Variants in THSD4 observed in about 807,000 individuals in gnomAD.
THSD4 encodes the protein thrombospondin type 1 domain containing 4.
In THSD4, 69 loss-of-function variants were observed where a neutral mutation model predicts 119.0. The observed-to-expected ratio is 0.58, with a 90% CI of 0.48 to 0.71. The LOEUF (loss-of-function observed/expected upper bound fraction) is 0.71. THSD4 is among the 30% of genes least tolerant of loss of function. THSD4 has a pLI of 0.00. For synonymous variants in THSD4, 524 were observed against 540.4 expected (o/e 0.97, Z 0.42); for missense variants, 1,393 against 1,391.1 (o/e 1.00, Z -0.02).
At chr15:71,200,662 T>C (rs754716994) in intron 3 of THSD4, among the ~76,000 whole-genome samples, 27 of 152,186 alleles carry the variant, frequency 1.8e-4, no homozygotes, top group Non-Finnish European at 3.2e-4. Flanking sequence ...ATAGTTTTTT[T>C]CTCTATGGAT....
chr15:71,120,923 G>A (rs1478011971), intron 1 of THSD4, among the ~76,000 whole-genome samples: 2 of 152,232 alleles, frequency 1.3e-5, no homozygotes, highest in Non-Finnish European at 2.9e-5. Context: ...ACAGGGGTGG[G>A]AGGATGACGA....
At chr15:71,611,483 A>G (rs984960378) in intron 7 of THSD4, among the ~76,000 whole-genome samples, 1 of 152,224 alleles carries the variant, frequency 6.6e-6, no homozygotes, top group Admixed American at 6.5e-5. Context: ...GCCCATTCAC[A>G]GTGAAAACGC....
At chr15:71,600,804 T>G (rs910402884) in intron 7 of THSD4, among the ~76,000 whole-genome samples, 2 of 151,628 alleles carry the variant, frequency 1.3e-5, no homozygotes, top group Non-Finnish European at 2.9e-5. Flanking sequence ...TGGAGTGCTG[T>G]GGCGCAATCT....
At chr15:71,374,825 G>T (rs1054594666) in intron 6 of THSD4, among the ~76,000 whole-genome samples, 1 of 152,224 alleles carries the variant, frequency 6.6e-6, no homozygotes, top group Non-Finnish European at 1.5e-5. Context: ...ACTATTCACA[G>T]ATGGTGGCTT....
At chr15:71,654,417 T>G (rs560982503) in intron 7 of THSD4, among the ~76,000 whole-genome samples, 16 of 152,348 alleles carry the variant, frequency 1.1e-4, no homozygotes, top group Non-Finnish European at 1.6e-4. Flanking sequence ...TGTTTCCTTA[T>G]GTTGAACATT....
intron 6 of THSD4, among the ~76,000 whole-genome samples, chr15:71,307,185 C>A (rs977287767): frequency 6.6e-6 from 1 of 152,194 alleles, no homozygotes; most frequent in Non-Finnish European, 1.5e-5. Flanking sequence ...TGGCTGAACA[C>A]CTCCTCACTA....
In THSD4 at chr15:71,242,840, C is replaced by T. The variant is rs374359586; in HGVS notation, c.656C>T (p.Pro219Leu). ...HGYSSPAHQVPQHGPLYQSDS... is the reference protein window; with the variant it reads ...HGYSSPAHQVLQHGPLYQSDS... ...TACAGTTCACCAGCCCACCAGGTCC[C>T]CCAACATGGGCCTTTGTACCAAAGT... The change falls in exon 5 of 18, where the codon CCC becomes CTC. Residue 219 changes from proline to leucine, a missense_variant. By Grantham distance (98) the Pro-to-Leu change is moderately conservative. Transcript: ENST00000261862. The T allele has an allele frequency of 1.1e-5, 18 of 1,614,246 alleles. No homozygotes were observed. In the African/African-American group the frequency reaches 2.0e-4, roughly 18 times the overall value.
At chr15:71,694,066 G>A (rs2052111874) in intron 8 of THSD4, among the ~76,000 whole-genome samples, 1 of 152,122 alleles carries the variant, frequency 6.6e-6, no homozygotes, top group Non-Finnish European at 1.5e-5. Flanking sequence ...CAAGGTTGGA[G>A]GTTGAGCAGA....
chr15:71,767,059 G>A (rs555837454), intron 16 of THSD4: 66 of 152,190 alleles, frequency 4.3e-4, no homozygotes, highest in African/African-American at 1.6e-3. Context: ...TCTTGTTTGC[G>A]GTAGGAGATA....
intron 8 of THSD4, among the ~76,000 whole-genome samples, chr15:71,680,938 A>C (rs1396054534): frequency 9.0e-6 from 1 of 111,620 alleles, no homozygotes; most frequent in Admixed American, 1.0e-4. Context: ...TTTTTTTTTG[A>C]GATGGAATCT....
intron 1 of THSD4, among the ~76,000 whole-genome samples, chr15:71,106,040 C>A (rs1567127218): frequency 6.6e-6 from 1 of 152,158 alleles, no homozygotes; most frequent in East Asian, 1.9e-4. Context: ...GCACTTGAAG[C>A]ACCTGCCAAA....
At chr15:71,356,451 G>A (rs2045812224) in intron 6 of THSD4, among the ~76,000 whole-genome samples, 1 of 152,184 alleles carries the variant, frequency 6.6e-6, no homozygotes, top group Non-Finnish European at 1.5e-5. Context: ...GCTCTTTGAG[G>A]ACTGGGACCT....
chr15:71,582,081 T>C (rs548030736), intron 7 of THSD4, among the ~76,000 whole-genome samples: 44 of 152,326 alleles, frequency 2.9e-4, no homozygotes, highest in African/African-American at 1.0e-3. Context: ...GCATTGACTC[T>C]GTAGATCACT....
At chr15:71,157,310 A>G (rs2040788124) in intron 3 of THSD4, among the ~76,000 whole-genome samples, 1 of 152,234 alleles carries the variant, frequency 6.6e-6, no homozygotes, top group Non-Finnish European at 1.5e-5. Flanking sequence ...TTATTTTATC[A>G]TTAAAATTTT....
intron 4 of THSD4, among the ~76,000 whole-genome samples, chr15:71,218,104 A>G (rs189463717): frequency 3.3e-4 from 50 of 152,178 alleles, no homozygotes; most frequent in Non-Finnish European, 6.0e-4. Context: ...CTTTACACTC[A>G]TGGTCCTATA....
At chr15:71,690,012 T>A (rs1374729219) in intron 8 of THSD4, among the ~76,000 whole-genome samples, 1 of 152,178 alleles carries the variant, frequency 6.6e-6, no homozygotes, top group Non-Finnish European at 1.5e-5. Context: ...TGGTGATGCA[T>A]GAAATAGAGT....
At chr15:71,500,100 C>T (rs1001960419) in intron 7 of THSD4, among the ~76,000 whole-genome samples, 2 of 152,190 alleles carry the variant, frequency 1.3e-5, no homozygotes, top group African/African-American at 4.8e-5. Context: ...TTCCCACTAA[C>T]AGTGTACATG....
intron 7 of THSD4, among the ~76,000 whole-genome samples, chr15:71,567,073 A>G (rs920025462): frequency 2.6e-5 from 4 of 152,158 alleles, no homozygotes; most frequent in African/African-American, 9.7e-5. Context: ...AAGTTAATTT[A>G]TGAAGTGGAC....
At chr15:71,434,998 G>A (rs1300952480) in intron 7 of THSD4, among the ~76,000 whole-genome samples, 2 of 152,120 alleles carry the variant, frequency 1.3e-5, no homozygotes, top group Non-Finnish European at 1.5e-5. Flanking sequence ...GGAGCCACCC[G>A]CTAAGACAGT....
Sources: gnomAD v4.1 joint callset for allele counts (sites outside exome capture counted in the v4.1 genomes callset) on GRCh38, gnomAD v4.1.1 for gene constraint, MANE v1.5 for transcripts, NCBI Gene and HGNC (gene_info 2026-07-23, HGNC 2026-07-21) for gene names.